Variants in TRHDE observed in about 807,000 individuals in gnomAD.
TRHDE encodes the protein thyrotropin releasing hormone degrading enzyme, also known as thyrotropin-releasing hormone-degrading ectoenzyme.
A neutral mutation model predicts 125.7 loss-of-function variants in TRHDE; 72 were observed. The ratio of observed to expected loss-of-function variants is 0.57; its 90% confidence interval spans 0.47 to 0.70. TRHDE has a LOEUF of 0.70. Ranked by LOEUF, TRHDE falls within the 30% of genes least tolerant of loss-of-function variation. The probability of loss-of-function intolerance (pLI) is 0.00; values close to 1 mark genes in which losing one functional copy is unlikely to be tolerated. For missense variants in TRHDE, 1,110 were observed against 1,327.1 expected (o/e 0.84, Z 2.54); for synonymous variants, 509 against 509.1 (o/e 1.00, Z 0.00).
At chr12:72,575,911 C>G (rs1475186551) in intron 12 of TRHDE, among the ~76,000 whole-genome samples, 1 of 152,042 alleles carries the variant, frequency 6.6e-6, no homozygotes, top group Non-Finnish European at 1.5e-5. Flanking sequence ...ACTAGTATAT[C>G]TTTTAAAAAT....
intron 12 of TRHDE, among the ~76,000 whole-genome samples, chr12:72,585,106 T>G (rs1871385164): frequency 6.6e-6 from 1 of 152,200 alleles, no homozygotes; most frequent in Non-Finnish European, 1.5e-5. Context: ...TGGCAACCAT[T>G]TGCTTGAAAT....
intron 12 of TRHDE, among the ~76,000 whole-genome samples, chr12:72,616,186 G>A (rs1872804486): frequency 6.6e-6 from 1 of 151,992 alleles, no homozygotes; most frequent in Non-Finnish European, 1.5e-5. Context: ...ACTTTTATCA[G>A]GTTTGCTTTG....
intron 2 of TRHDE, among the ~76,000 whole-genome samples, chr12:72,177,644 G>GTTTATAGAATGTC (rs1196291736): frequency 2.0e-5 from 3 of 152,050 alleles, no homozygotes; most frequent in Non-Finnish European, 4.4e-5. Flanking sequence ...GAATGTTGCA[G>GTTTATAGAATGTC]TAAGGTGTGG....
chr12:72,625,422 T>C (rs929028202), intron 15 of TRHDE, among the ~76,000 whole-genome samples: 11 of 151,892 alleles, frequency 7.2e-5, no homozygotes, highest in Non-Finnish European at 1.3e-4. Context: ...ATAGTAAATG[T>C]TTATTGAATT....
rs1002477778 is a variant in TRHDE at position 72,524,144 on chromosome 12, A to T, written c.1723-18147A>T. 8.5e-5 allele frequency among the ~76,000 whole-genome samples: 13 copies of T among 152,170 alleles called. 1 individual carries two copies. The highest frequency in any genetic ancestry group is 7.2e-4 in the Admixed American group (11 of 15,260). On this transcript the variant is annotated intron_variant, in intron 6 of 18. Transcript: ENST00000261180. ...CCATTTCTCAATGATATACATGAAG[A>T]GGCTAATTTATTTTTTTGAGAACAG...
chr12:72,311,756 A>C (rs538433198), intron 2 of TRHDE, among the ~76,000 whole-genome samples: 57 of 152,276 alleles, frequency 3.7e-4, no homozygotes, highest in Admixed American at 1.6e-3. Flanking sequence ...GTAATGCAGA[A>C]ACTGGAGAAA....
chr12:72,251,244 C>A (rs1451407519), intron 2 of TRHDE, among the ~76,000 whole-genome samples: 2 of 151,940 alleles, frequency 1.3e-5, no homozygotes, highest in African/African-American at 4.8e-5. Flanking sequence ...ACAGAACAGT[C>A]CCATCACCAT....
intron 12 of TRHDE, chr12:72,582,341 T>G: frequency 1.0e-6 from 1 of 985,294 alleles, no homozygotes. Flanking sequence ...ACAGATTTTT[T>G]TTTTCATTTC....
chr12:72,241,102 A>G (rs1017149660), intron 2 of TRHDE, among the ~76,000 whole-genome samples: 3 of 151,854 alleles, frequency 2.0e-5, no homozygotes, highest in East Asian at 1.9e-4. Flanking sequence ...ATTATCCCCA[A>G]TCCAACCCTG....
At chr12:72,162,733 A>C (rs1876662044) in intron 2 of TRHDE, among the ~76,000 whole-genome samples, 1 of 152,182 alleles carries the variant, frequency 6.6e-6, no homozygotes, top group Admixed American at 6.5e-5. Flanking sequence ...AGAACATAAA[A>C]AATAGGACTT....
At chr12:72,545,243 TA>T (rs1869358141) in intron 7 of TRHDE, among the ~76,000 whole-genome samples, 1 of 151,534 alleles carries the variant, frequency 6.6e-6, no homozygotes, top group African/African-American at 2.4e-5. Context: ...TCTACTGTTC[TA>T]TGTAATCCAT....
chr12:72,186,796 T>C (rs563006152), intron 2 of TRHDE, among the ~76,000 whole-genome samples: 2 of 152,182 alleles, frequency 1.3e-5, no homozygotes, highest in African/African-American at 4.8e-5. Flanking sequence ...TTTTTTTAAG[T>C]CCTACTACTG....
intron 2 of TRHDE, among the ~76,000 whole-genome samples, chr12:72,110,541 C>A (rs527602470): frequency 6.6e-6 from 1 of 151,948 alleles, no homozygotes; most frequent in African/African-American, 2.4e-5. Flanking sequence ...TGTTATTCAA[C>A]GCTAATTTCT....
At chr12:72,406,959 G>GT (rs1873291858) in intron 3 of TRHDE, among the ~76,000 whole-genome samples, 2 of 152,184 alleles carry the variant, frequency 1.3e-5, no homozygotes, top group Admixed American at 6.5e-5. Flanking sequence ...AAGATGTCAA[G>GT]TAAGAGGGCA....
At position 72,617,875 on chromosome 12, in the gene TRHDE, A is replaced by G. The variant is rs569889167; in HGVS notation, c.2322-1016A>G. On this transcript the variant is annotated intron_variant, in intron 12 of 18. Transcript: ENST00000261180. ...TCCCATTTGTGAAAGTAGAGCCCTC[A>G]TGACCTAATCACTACCAAAGGCCCT... 4.6e-5 allele frequency among the ~76,000 whole-genome samples: 7 copies of G among 152,294 alleles called. No homozygotes were observed. The East Asian group carries it at 1.4e-3, about 29-fold the overall frequency.
chr12:72,218,248 A>T (rs904275973), intron 2 of TRHDE, among the ~76,000 whole-genome samples: 1 of 152,140 alleles, frequency 6.6e-6, no homozygotes, highest in Admixed American at 6.6e-5. Context: ...CTTCTGGATC[A>T]GGTATAAATT....
intron 3 of TRHDE, among the ~76,000 whole-genome samples, chr12:72,420,940 C>A (rs1167323675): frequency 6.6e-6 from 1 of 151,772 alleles, no homozygotes; most frequent in Admixed American, 6.6e-5. Context: ...TATTGGATTC[C>A]TTTCTTACAG....
chr12:72,649,172 G>A (rs545345686), intron 15 of TRHDE, among the ~76,000 whole-genome samples: 1 of 151,754 alleles, frequency 6.6e-6, no homozygotes, highest in East Asian at 1.9e-4. Context: ...AAAATAATAT[G>A]GTACTATAAT....
At chr12:72,397,317 A>G (rs1872839865) in intron 3 of TRHDE, among the ~76,000 whole-genome samples, 1 of 152,142 alleles carries the variant, frequency 6.6e-6, no homozygotes, top group Non-Finnish European at 1.5e-5. Context: ...CCAAGCCATC[A>G]CCTTTTTCCT....
Sources: allele counts gnomAD v4.1 joint callset (sites outside exome capture counted in the v4.1 genomes callset), GRCh38; gene constraint gnomAD v4.1.1; transcripts MANE v1.5; gene names NCBI Gene and HGNC (gene_info 2026-07-23, HGNC 2026-07-21).